LDHA: variants seen among roughly 807,000 people sequenced by gnomAD.
LDHA encodes L-lactate dehydrogenase A chain.
A neutral mutation model predicts 36.3 loss-of-function variants in LDHA; 10 were observed. That is an observed-to-expected ratio of 0.28 (90% CI 0.17 to 0.47). The LOEUF is 0.47. Among genes scored for constraint, LDHA ranks in the 20% least tolerant of loss-of-function variants. The pLI is 0.99. For missense variants in LDHA, 267 were observed against 405.8 expected, an observed-to-expected ratio of 0.66 and a Z score of 2.94; for synonymous variants, 110 against 136.7, an observed-to-expected ratio of 0.80 and a Z score of 1.36.
intron 6 of LDHA, among the ~76,000 whole-genome samples, chr11:18,404,260 T>G (rs1423823948): frequency 2.0e-5 from 3 of 152,058 alleles, no homozygotes; most frequent in African/African-American, 7.2e-5. Flanking sequence ...AATACACAAA[T>G]TAGCCAGGCA....
intron 1 of LDHA, chr11:18,396,519 C>G: frequency 7.8e-7 from 1 of 1,285,430 alleles, no homozygotes; most frequent in Non-Finnish European, 1.0e-6. Flanking sequence ...TGAGGAAAGG[C>G]CAGCCCCACT....
chr11:18,398,629 T>TTTTTTTTTTTTTTTTTTTC (rs1554960741), intron 2 of LDHA: 1 of 87,612 alleles, frequency 1.1e-5, no homozygotes, highest in African/African-American at 4.1e-5. Flanking sequence ...TTTTTTTTTT[T>TTTTTTTTTTTTTTTTTTTC]CTGAGAAGGA....
chr11:18,396,352 C>A (rs993546287), intron 1 of LDHA: 21 of 397,236 alleles, frequency 5.3e-5, no homozygotes, highest in Non-Finnish European at 8.4e-5. Flanking sequence ...AGGAGAGCCA[C>A]AAAGCGCGCA....
At chr11:18,396,523 C>T (rs541259055) in intron 1 of LDHA, 2 of 1,302,540 alleles carry the variant, frequency 1.5e-6, no homozygotes, top group East Asian at 5.8e-5. Flanking sequence ...GAAAGGCCAG[C>T]CCCACTTGGG....
chr11:18,399,098 A>C, intron 2 of LDHA: 1 of 309,110 alleles, frequency 3.2e-6, no homozygotes. Flanking sequence ...GTAGGATGGA[A>C]TTTGAGAGAG....
At chr11:18,400,375 TTTG>T (rs1176609731) in intron 3 of LDHA, 17 of 28,978 alleles carry the variant, frequency 5.9e-4, no homozygotes, top group South Asian at 4.0e-3. Context: ...GCAAAATATG[TTTG>T]TTAAGTGTAA....
rs1866398428 is a variant in LDHA at position 18,399,254 on chromosome 11, A to C, written c.127-177A>C. ...GAGAGAGGGTCAGTGCTATCTATGT[A>C]GGGTGTAATCTGTAAGTCAGCTTTT... On this transcript the variant is annotated intron_variant, in intron 2 of 7. Coordinates refer to ENST00000422447, the MANE Select transcript of LDHA (RefSeq NM_005566.4). 3 of 602,896 alleles carry C rather than the reference A, an allele frequency of 5.0e-6. No homozygotes were observed. In the South Asian group the frequency reaches 5.5e-5, roughly 11 times the overall value. The allele number at this position is 602,896 out of a possible 1,614,324, so 37.3% of individuals were successfully genotyped here.
Position 18,403,694 on chromosome 11 carries a change from T to G in LDHA, c.593T>G (p.Val198Gly). Residue 198 changes from valine to glycine, a missense_variant and splice_region_variant, in exon 6 of 8, where the codon GTG (valine) becomes GGG (glycine). By Grantham distance (109) the Val-to-Gly change is moderately radical (BLOSUM62 -3). Coordinates refer to ENST00000422447, the MANE Select transcript of LDHA (RefSeq NM_005566.4). ...WVLGEHGDSSVPVWSGMNVAG... is the reference protein window; with the variant it reads ...WVLGEHGDSSGPVWSGMNVAG... ...ATGTAGTCTGTACTATTTCTTTTAG[T>G]GCCTGTATGGAGTGGAATGAATGTT... The G allele has an allele frequency of 6.5e-7, 1 of 1,528,772 alleles. No homozygotes were observed. Among genetic ancestry groups the G allele is most frequent in the Non-Finnish European group, 9.1e-7 (1 of 1,102,436 alleles). 94.7% of individuals were successfully genotyped at this position (1,528,772 alleles called of 1,614,324 possible).
Position 18,407,688 on chromosome 11 carries a change from A to G in LDHA, c.*407A>G, listed in dbSNP as rs915174269. On this transcript the variant is annotated 3_prime_UTR_variant, in exon 8 of 8. Coordinates refer to ENST00000422447, the MANE Select transcript of LDHA (RefSeq NM_005566.4). The stretch of plus-strand genomic sequence containing the variant: ...TCCTGGGATCCAGTGTATAAATCCA[A>G]TATCATGTCTTGTGCATAATTCTTC... 7 of 520,044 alleles carry G rather than the reference A, an allele frequency of 1.3e-5. No individual in the cohort carries two copies. Among genetic ancestry groups the G allele is most frequent in the South Asian group, 3.1e-5 (2 of 64,688 alleles). The allele number at this position is 520,044 out of a possible 1,614,324, so 32.2% of individuals were successfully genotyped here. A position where few individuals can be genotyped will look rare whatever the true frequency, so the allele number is the denominator to read the frequency against.
chr11:18,407,869 A>G lies in LDHA; in HGVS notation c.*588A>G, dbSNP rs1212835293. On this transcript the variant is annotated 3_prime_UTR_variant, in exon 8 of 8. Transcript: ENST00000422447. ...GTGACTACTTTGGTTAATTCATTAT[A>G]TTAAGATATAAAGTCATAAAGCTGC... 1 of 454,022 alleles carries G rather than the reference A, an allele frequency of 2.2e-6. No individual in the cohort carries two copies. Among genetic ancestry groups the G allele is most frequent in the Non-Finnish European group, 4.4e-6 (1 of 226,854 alleles). 28.1% of individuals were successfully genotyped at this position (454,022 alleles called of 1,614,324 possible).
At chr11:18,405,401 C>T (rs1180979752) in intron 6 of LDHA, 48 bp from the exon 7 acceptor site, 4 of 1,604,864 alleles carry the variant, frequency 2.5e-6, no homozygotes, top group East Asian at 2.2e-5. Flanking sequence ...TTCTTTCTTT[C>T]TCCCACCCTG....
rs539171552 is a variant in LDHA at position 18,394,797 on chromosome 11, C to T, written c.-25+161C>T. ...AGCCCAGAGACGTCTGGGCGGCGGC[C>T]CACACAACGCATGTGTTCGGAGCTC... On this transcript the variant is annotated intron_variant, in intron 1 of 7. Coordinates refer to ENST00000422447, the MANE Select transcript of LDHA (RefSeq NM_005566.4). 92 of 381,070 alleles carry T rather than the reference C, an allele frequency of 2.4e-4. 1 individual carries two copies. Among genetic ancestry groups the T allele is most frequent in the African/African-American group, 1.8e-3 (88 of 48,032 alleles). The allele number at this position is 381,070 out of a possible 1,614,324, so 23.6% of individuals were successfully genotyped here.
intron 6 of LDHA, among the ~76,000 whole-genome samples, chr11:18,405,053 T>G (rs1235668098): frequency 6.6e-6 from 1 of 152,176 alleles, no homozygotes; most frequent in Non-Finnish European, 1.5e-5. Context: ...CGCTCCCACT[T>G]GAGATAATCC....
At chr11:18,406,767 G>T in intron 7 of LDHA, 1 of 197,284 alleles carries the variant, frequency 5.1e-6, no homozygotes, top group Non-Finnish European at 1.0e-5. Flanking sequence ...TGTAACCCCA[G>T]CACTTTGGGA....
intron 1 of LDHA, among the ~76,000 whole-genome samples, chr11:18,395,726 G>T (rs1293140990): frequency 6.6e-6 from 1 of 152,240 alleles, no homozygotes; most frequent in Non-Finnish European, 1.5e-5. Flanking sequence ...TTCCTCCAGC[G>T]AATGCAGTGC....
intron 1 of LDHA, among the ~76,000 whole-genome samples, chr11:18,395,836 T>C (rs1318744183): frequency 6.6e-6 from 1 of 152,214 alleles, no homozygotes; most frequent in Non-Finnish European, 1.5e-5. Context: ...ATTTCTACAC[T>C]CCCTGTACTG....
In LDHA at chr11:18,407,829, A is replaced by G; in HGVS notation, c.*548A>G. 1 of 454,710 alleles carries G rather than the reference A, an allele frequency of 2.2e-6. No individual in the cohort carries two copies. The allele number at this position is 454,710 out of a possible 1,614,324, so 28.2% of individuals were successfully genotyped here. On this transcript the variant is annotated 3_prime_UTR_variant, in exon 8 of 8. Coordinates refer to ENST00000422447, the MANE Select transcript of LDHA (RefSeq NM_005566.4). ...AAGTGTTATACCAACTAAAACCCCC[A>G]ATAAACCTTGAACAGTGACTACTTT...
chr11:18,406,414 T>TAAAAAAAAAA (rs532942664), intron 7 of LDHA, among the ~76,000 whole-genome samples: 1 of 97,184 alleles, frequency 1.0e-5, no homozygotes, highest in East Asian at 3.8e-4. Context: ...TTGCCTCTGT[T>TAAAAAAAAAA]AAAAAAAAAA....
At chr11:18,401,473 CTTTTT>C (rs58157049) in intron 4 of LDHA, among the ~76,000 whole-genome samples, 7 of 68,586 alleles carry the variant, frequency 1.0e-4, no homozygotes, top group African/African-American at 4.2e-4. Context: ...ATTTATTTTT[CTTTTT>C]TTTTTTTTTT....
Sources: gnomAD v4.1 joint callset for allele counts (sites outside exome capture counted in the v4.1 genomes callset) on GRCh38, gnomAD v4.1.1 for gene constraint, MANE v1.5 for transcripts, NCBI Gene and HGNC (gene_info 2026-07-23, HGNC 2026-07-21) for gene names.